The following FBF1 variants were observed in gnomAD, a reference collection of about 807,000 sequenced individuals.
FBF1 encodes the protein Fas binding factor 1.
FBF1 carries 119 observed loss-of-function variants against 147.2 expected under a neutral mutation model. The observed-to-expected ratio is 0.81, with a 90% CI of 0.70 to 0.94. The LOEUF (loss-of-function observed/expected upper bound fraction) is 0.94. Among genes scored for constraint, FBF1 ranks in the 40% least tolerant of loss-of-function variants. The pLI, the probability that FBF1 is intolerant of heterozygous loss-of-function variation, is 0.00. For missense variants in FBF1, 1,449 were observed against 1,500.8 expected, an observed-to-expected ratio of 0.97 and a Z score of 0.57; for synonymous variants, 601 against 609.0, an observed-to-expected ratio of 0.99 and a Z score of 0.19.
chr17:75,931,193 A>AT, intron 6 of FBF1, 36 bp downstream of exon 6: 6 of 1,558,300 alleles, frequency 3.9e-6, no homozygotes, highest in Non-Finnish European at 5.2e-6. Flanking sequence ...GTTTCTGGGG[A>AT]TAAGTAGGGA....
intron 1 of FBF1, among the ~76,000 whole-genome samples, chr17:75,939,295 C>CA (rs56272719): frequency 0.029 from 2,424 of 82,330 alleles, 45 homozygotes; most frequent in Non-Finnish European, 0.044. Context: ...ACTCTGTCTC[C>CA]AAAAAAAAAA....
At position 75,931,221 on chromosome 17, in the gene FBF1, A is replaced by G. The variant is rs1026675157; in HGVS notation, c.228+8T>C. The G allele has an allele frequency of 3.8e-6, 6 of 1,570,000 alleles. No homozygotes were observed. The Middle Eastern group carries it at 5.0e-4, about 130-fold the overall frequency. ...AGTAGGGAGGTGGAGGGAAACAGCCAGGCTCACCTCAGCATCAGCTTCTTC... is the reference window on the plus strand; with the variant it reads ...AGTAGGGAGGTGGAGGGAAACAGCCGGGCTCACCTCAGCATCAGCTTCTTC... On this transcript the variant is annotated splice_region_variant and intron_variant, in intron 6 of 29. Transcript: ENST00000636174.
intron 25 of FBF1, 85 bp downstream of exon 25, chr17:75,914,657 CTCCTT>C (rs1194984363): frequency 1.2e-5 from 16 of 1,340,976 alleles, no homozygotes; most frequent in Admixed American, 2.8e-5. Flanking sequence ...GTGCTACACT[CTCCTT>C]TCCTAAGACT....
intron 28 of FBF1, chr17:75,913,426 G>C: frequency 3.0e-6 from 1 of 337,204 alleles, no homozygotes; most frequent in Non-Finnish European, 5.4e-6. Flanking sequence ...GAGATTATAG[G>C]CGTGAGCCAC....
chr17:75,938,661 C>T (rs531126909), intron 1 of FBF1, among the ~76,000 whole-genome samples: 3 of 150,428 alleles, frequency 2.0e-5, no homozygotes, highest in Non-Finnish European at 4.4e-5. Flanking sequence ...GTCAGGGGTT[C>T]GTGACCAGCT....
Position 75,910,028 on chromosome 17 carries a change from A to C in FBF1, c.*695T>G. ...TCCTCGTCCCTCCCCACACCCCACCATCGCCACAGCTCCCTCCGCCGCCGG... is the reference window on the plus strand; with the variant it reads ...TCCTCGTCCCTCCCCACACCCCACCCTCGCCACAGCTCCCTCCGCCGCCGG... On this transcript the variant is annotated 3_prime_UTR_variant, in exon 30 of 30. Transcript: ENST00000636174. This position sits in a 1 kb window ranked among gnomAD's most constrained non-coding sequence, Gnocchi z 4.1. 1.5e-6 allele frequency: 1 copy of C among 661,412 alleles called. No homozygotes were observed. The highest frequency in any genetic ancestry group is 2.8e-6 in the Non-Finnish European group (1 of 359,162). 41.0% of individuals were successfully genotyped at this position (661,412 alleles called of 1,614,324 possible).
Position 75,938,143 on chromosome 17 carries a change from C to T in FBF1, c.3+4G>A. ...CCATGCATCTTACTCTGAACTCTGC[C>T]TACCATCTCACGGCTCTCGGGGGTG... is the stretch of plus-strand genomic sequence containing the variant. On this transcript the variant is annotated splice_donor_region_variant and intron_variant, in intron 2 of 29. Coordinates refer to ENST00000636174, the MANE Select transcript of FBF1 (RefSeq NM_001319193.2). 1 of 1,613,600 alleles carries T rather than the reference C, an allele frequency of 6.2e-7. No individual in the cohort carries two copies. The highest frequency in any genetic ancestry group is 8.5e-7 in the Non-Finnish European group (1 of 1,179,800).
At position 75,935,692 on chromosome 17, in the gene FBF1, T is replaced by C. The variant is rs1195885670; in HGVS notation, c.32-19A>G. Reference sequence around the variant, plus strand: ...ATGGAGCCTGGAACAGAAAAGGGACTGTCATGACTTCAGGAGGAAAGAAGA... The same window carrying C: ...ATGGAGCCTGGAACAGAAAAGGGACCGTCATGACTTCAGGAGGAAAGAAGA... On this transcript the variant is annotated intron_variant, in intron 3 of 29. Transcript: ENST00000636174. 1 of 1,536,084 alleles carries C rather than the reference T, an allele frequency of 6.5e-7. No homozygotes were observed. Among genetic ancestry groups the C allele is most frequent in the Admixed American group, 2.0e-5 (1 of 50,786 alleles).
At position 75,921,947 on chromosome 17, in the gene FBF1, C is replaced by A. The variant is rs192701306; in HGVS notation, c.1524G>T (p.Ser508=). Residue 508 remains serine, a splice_region_variant and synonymous_variant, in exon 15 of 30, where the codon TCG becomes TCT. Transcript: ENST00000636174. Reference sequence around the variant, plus strand: ...CTCAGCCCGCAGCCCAGGCCTACCCCGAGACACCAGGCCTGACACACGGTC... The same window carrying A: ...CTCAGCCCGCAGCCCAGGCCTACCCAGAGACACCAGGCCTGACACACGGTC... ...RERPCVRPGV[S]GSPVTQNHAA... 15 of 1,550,486 alleles carry A rather than the reference C, an allele frequency of 9.7e-6. No individual in the cohort carries two copies. The highest frequency in any genetic ancestry group is 1.3e-5 in the Non-Finnish European group (15 of 1,146,744).
intron 3 of FBF1, among the ~76,000 whole-genome samples, chr17:75,935,915 C>T (rs1168925350): frequency 6.6e-6 from 1 of 152,174 alleles, no homozygotes; most frequent in Non-Finnish European, 1.5e-5. Context: ...GTGGCTCACA[C>T]CTGCAATCCC....
intron 25 of FBF1, 123 bp downstream of exon 25, chr17:75,914,624 A>G: frequency 9.5e-7 from 1 of 1,047,762 alleles, no homozygotes; most frequent in Non-Finnish European, 1.3e-6. Flanking sequence ...TACTGTTTTA[A>G]TCCCTATGCT....
At chr17:75,921,408 C>T in intron 16 of FBF1, 64 bp downstream of exon 16, 1 of 1,558,420 alleles carries the variant, frequency 6.4e-7, no homozygotes, top group Admixed American at 1.9e-5. Context: ...CCAAAGGAAG[C>T]TCAAAGCACC....
In FBF1 at chr17:75,920,294, G is replaced by T. The variant is rs2065517165; in HGVS notation, c.1810C>A (p.Leu604Met). ...QAELLHSQAR[L>M]AELEAQVRKL... is the part of the protein sequence containing the mutation. The stretch of plus-strand genomic sequence containing the variant: ...CTCACCTGGGCCTCCAGCTCTGCCA[G>T]CCGGGCCTGGCTATGCAGCAGCTCG... The change falls in exon 18 of 30, where the codon CTG (leucine) becomes ATG (methionine). Residue 604 changes from leucine to methionine, a missense_variant. Coordinates refer to ENST00000636174, the MANE Select transcript of FBF1 (RefSeq NM_001319193.2). 1 of 1,610,664 alleles carries T rather than the reference G, an allele frequency of 6.2e-7. No individual in the cohort carries two copies. Among genetic ancestry groups the T allele is most frequent in the Admixed American group, 1.7e-5 (1 of 59,890 alleles).
At chr17:75,929,534 C>G (rs1268294101) in intron 7 of FBF1, among the ~76,000 whole-genome samples, 1 of 152,138 alleles carries the variant, frequency 6.6e-6, no homozygotes, top group Non-Finnish European at 1.5e-5. Flanking sequence ...GAGATTATGT[C>G]CTTACAAATT....
In FBF1 at chr17:75,926,824, T is replaced by C. The variant is rs1455768474; in HGVS notation, c.529A>G (p.Lys177Glu). 1 of 1,613,740 alleles carries C rather than the reference T, an allele frequency of 6.2e-7. No individual in the cohort carries two copies. Among genetic ancestry groups the C allele is most frequent in the Admixed American group, 1.7e-5 (1 of 59,978 alleles). Residue 177 changes from lysine (K) to glutamate (E), a missense_variant, in exon 10 of 30, where the codon AAG becomes GAG. Lys to Glu is a moderately conservative substitution (Grantham distance 56). Coordinates refer to ENST00000636174, the MANE Select transcript of FBF1 (RefSeq NM_001319193.2). The stretch of plus-strand genomic sequence containing the variant: ...TTACTCTGTGTCACAGGCGGCTGCT[T>C]GGTGATTCCTCCTTCATCATAGGAG... ...LLSYDEGGIT[K>E]QPPVTQSKTA...
chr17:75,917,948 C>T lies in FBF1; in HGVS notation c.2369G>A (p.Arg790His), dbSNP rs376050368. 3.6e-5 allele frequency: 58 copies of T among 1,602,704 alleles called. 1 individual carries two copies. The highest frequency in any genetic ancestry group is 1.9e-4 in the African/African-American group (14 of 74,924). The change falls in exon 22 of 30, where the codon CGT becomes CAT. Residue 790 changes from arginine to histidine, a missense_variant. Arg to His is a conservative substitution (Grantham distance 29, BLOSUM62 0). Coordinates refer to ENST00000636174, the MANE Select transcript of FBF1 (RefSeq NM_001319193.2). The stretch of plus-strand genomic sequence containing the variant: ...GGGCGTACCCCGCAGCTGCTCGTCA[C>T]GCTGCCGGATCCCCAGCTCCCGCTC... ...SQERELGIRQRDEQLRALQER... is the reference protein window; with the variant it reads ...SQERELGIRQHDEQLRALQER...
rs373165441 is a variant in FBF1, at chr17:75,918,003, C to T, written c.2314G>A (p.Val772Met). The T allele has an allele frequency of 6.5e-5, 105 of 1,612,458 alleles. No individual in the cohort carries two copies. The African/African-American group carries it at 1.1e-3, about 16-fold the overall frequency. Residue 772 changes from valine (V) to methionine (M), a missense_variant, in exon 22 of 30, where the codon GTG becomes ATG. Coordinates refer to ENST00000636174, the MANE Select transcript of FBF1 (RefSeq NM_001319193.2). This position sits in a 1 kb window ranked among gnomAD's most constrained non-coding sequence, Gnocchi z 5.8. ...SSSLHELSSR[V>M]EASHLTTSQE... ...GAGGTGGTGAGGTGCGAGGCCTCCA[C>T]GCGGGAGGACAACTCGTGCAGGCTG...
In FBF1 at chr17:75,928,184, C is replaced by G. The variant is rs761998543; in HGVS notation, c.289G>C (p.Gly97Arg). 1.4e-5 allele frequency: 22 copies of G among 1,613,582 alleles called. No individual in the cohort carries two copies. Among genetic ancestry groups the G allele is most frequent in the Non-Finnish European group, 1.6e-5 (19 of 1,179,822 alleles). ...ALLQAMKDLD[G>R]MDADILGLKK... ...AGACCTAAGATATCAGCATCCATGCCGTCCAGGTCCTAGAAAACCAGGGAG... is the reference window on the plus strand; with the variant it reads ...AGACCTAAGATATCAGCATCCATGCGGTCCAGGTCCTAGAAAACCAGGGAG... The change falls in exon 8 of 30, where the codon GGC becomes CGC. Residue 97 changes from glycine (G) to arginine (R), a missense_variant. Physicochemically the swap from Gly to Arg is moderately radical, Grantham distance 125. Coordinates refer to ENST00000636174, the MANE Select transcript of FBF1 (RefSeq NM_001319193.2). The surrounding 1 kb of genome is among the most constrained non-coding windows in gnomAD (Gnocchi z 4.2).
Position 75,918,114 on chromosome 17 carries a change from C to A in FBF1, c.2247-44G>T. On this transcript the variant is annotated intron_variant, in intron 21 of 29. Coordinates refer to ENST00000636174, the MANE Select transcript of FBF1 (RefSeq NM_001319193.2). This position sits in a 1 kb window ranked among gnomAD's most constrained non-coding sequence, Gnocchi z 5.8. ...ACCCCCTCCTGACGGTCTCGGGGAC[C>A]TTCCGGCCCCCAACGTCAGGCGGGC... The A allele has an allele frequency of 6.2e-7, 1 of 1,607,702 alleles. No homozygotes were observed.
Sources: gnomAD v4.1 joint callset for allele counts (sites outside exome capture counted in the v4.1 genomes callset) on GRCh38, gnomAD v4.1.1 for gene constraint, Gnocchi (gnomAD v3.1) non-coding constraint, MANE v1.5 for transcripts, NCBI Gene and HGNC (gene_info 2026-07-23, HGNC 2026-07-21) for gene names.